RESP18: variants seen among roughly 807,000 people sequenced by gnomAD.
The protein encoded by RESP18 is regulated endocrine-specific protein 18.
In RESP18, 30 loss-of-function variants were observed where a neutral mutation model predicts 30.0. The observed-to-expected ratio is 1.00, with a 90% CI of 0.75 to 1.36. The LOEUF is 1.36. RESP18 is among the 40% of genes most tolerant of loss of function. RESP18 has a pLI of 0.00. For synonymous variants in RESP18, 117 were observed against 111.2 expected (o/e 1.05, Z -0.33); for missense variants, 320 against 284.2 (o/e 1.13, Z -0.91).
At chr2:219,331,719 T>A (rs1250562084) in intron 2 of RESP18, among the ~76,000 whole-genome samples, 3 of 152,112 alleles carry the variant, frequency 2.0e-5, no homozygotes, top group African/African-American at 7.2e-5. Context: ...CCGCTCGGGC[T>A]CGGCGTGGAC....
rs77343546 is a variant in RESP18, at chr2:219,329,851, A to G, written c.338-87T>C. 2.1e-4 allele frequency: 273 copies of G among 1,299,226 alleles called. No individual in the cohort carries two copies. The African/African-American group carries it at 3.6e-3, about 17-fold the overall frequency. 80.5% of individuals were successfully genotyped at this position (1,299,226 alleles called of 1,614,324 possible). On this transcript the variant is annotated intron_variant, in intron 3 of 6. Coordinates refer to ENST00000333527, the MANE Select transcript of RESP18 (RefSeq NM_001007089.4). Reference sequence around the variant, plus strand: ...TCAGAGTAACCTTTCTCTCAAGTATATATTAGATTACATTTTACAGAGAAT... The same window carrying G: ...TCAGAGTAACCTTTCTCTCAAGTATGTATTAGATTACATTTTACAGAGAAT...
chr2:219,332,388 C>T (rs1488616323), intron 2 of RESP18, 136 bp downstream of exon 1: 7 of 669,212 alleles, frequency 1.0e-5, no homozygotes, highest in Non-Finnish European at 1.8e-5. Flanking sequence ...TAGACGCTGT[C>T]TACCTTTTTC....
At chr2:219,330,681 C>A in intron 3 of RESP18, 90 bp downstream of exon 2, 1 of 776,596 alleles carries the variant, frequency 1.3e-6, no homozygotes. Flanking sequence ...ATTTGGGGAA[C>A]AGAAAGCCTA....
chr2:219,330,908 C>G, intron 2 of RESP18, 33 bp from the exon 2 acceptor site: 2 of 1,286,200 alleles, frequency 1.6e-6, no homozygotes, highest in South Asian at 1.3e-5. Flanking sequence ...AGCAAGGAAC[C>G]TGGCCAGAGC....
chr2:219,332,871 T>G, intron 1 of RESP18, 127 bp from the exon 1 acceptor site: 1 of 779,762 alleles, frequency 1.3e-6, no homozygotes, highest in Non-Finnish European at 2.0e-6. Context: ...TTTCGGGCAT[T>G]AGCTGGGTCC....
rs1030033015 is a variant in RESP18 at position 219,327,428 on chromosome 2, A to G, written c.*89T>C. ...AGTGTTTGCATGAGAGTCTACTTTA[A>G]TGATTCAAATCTGGGTCATCCAAGA... On this transcript the variant is annotated 3_prime_UTR_variant, in exon 7 of 7. Coordinates refer to ENST00000333527, the MANE Select transcript of RESP18 (RefSeq NM_001007089.4). 7.6e-6 allele frequency: 9 copies of G among 1,191,690 alleles called. No individual in the cohort carries two copies. Among genetic ancestry groups the G allele is most frequent in the African/African-American group, 1.5e-5 (1 of 65,962 alleles). The allele number at this position is 1,191,690 out of a possible 1,614,324, so 73.8% of individuals were successfully genotyped here. A position where few individuals can be genotyped will look rare whatever the true frequency, so the allele number is the denominator to read the frequency against.
rs1177022345 is a variant in RESP18 at position 219,330,796 on chromosome 2, A to G, written c.312T>C (p.Val104=). ...CTTGGGGTATAATCTGCTGGAGCAC[A>G]ACCTGTAAATGCTGGAAGACTGGGG... The change falls in exon 3 of 7, where the codon GTT becomes GTC. Residue 104 remains valine, a synonymous_variant. Transcript: ENST00000333527. 1 of 1,551,070 alleles carries G rather than the reference A, an allele frequency of 6.4e-7. No homozygotes were observed. The highest frequency in any genetic ancestry group is 2.4e-5 in the East Asian group (1 of 40,926).
chr2:219,330,626 T>G, intron 3 of RESP18, 145 bp downstream of exon 2: 1 of 569,998 alleles, frequency 1.8e-6, no homozygotes, highest in Non-Finnish European at 3.1e-6. Context: ...CCTACTCCTG[T>G]CTCATCCCCA....
intron 2 of RESP18, among the ~76,000 whole-genome samples, chr2:219,331,346 C>T (rs769678861): frequency 6.6e-6 from 1 of 151,500 alleles, no homozygotes; most frequent in Non-Finnish European, 1.5e-5. Flanking sequence ...GTTTGCCCAA[C>T]TGTGCATGAG....
rs1181357276 is a variant in RESP18, at chr2:219,329,707, G to C, written c.395C>G (p.Ala132Gly). The C allele has an allele frequency of 2.6e-6, 4 of 1,551,536 alleles. No individual in the cohort carries two copies. The highest frequency in any genetic ancestry group is 2.6e-6 in the Non-Finnish European group (3 of 1,146,922). Residue 132 changes from alanine to glycine, a missense_variant, in exon 4 of 7, where the codon GCC becomes GGC. Coordinates refer to ENST00000333527, the MANE Select transcript of RESP18 (RefSeq NM_001007089.4). Reference sequence around the variant, plus strand: ...TGGTTCTTGGGGATGCAGTCTGCTGGCATGCTCCATCTTTTGGATCATTGC... The same window carrying C: ...TGGTTCTTGGGGATGCAGTCTGCTGCCATGCTCCATCTTTTGGATCATTGC...
At chr2:219,328,453 C>A (rs951782271) in intron 6 of RESP18, among the ~76,000 whole-genome samples, 1 of 151,736 alleles carries the variant, frequency 6.6e-6, no homozygotes, top group Non-Finnish European at 1.5e-5. Context: ...AAAAAAAAAA[C>A]CTCTTTTTTC....
At chr2:219,333,132 A>G (rs1014373236) in intron 1 of RESP18, 53 of 1,425,216 alleles carry the variant, frequency 3.7e-5, no homozygotes, top group Non-Finnish European at 4.9e-5. Flanking sequence ...TATATTATAT[A>G]TTATATATGG....
In RESP18 at chr2:219,329,180, C is replaced by T; in HGVS notation, c.538G>A (p.Val180Met). The change falls in exon 5 of 7, where the codon GTG (valine) becomes ATG (methionine). Residue 180 changes from valine to methionine, a missense_variant. By Grantham distance (21) the Val-to-Met change is conservative. Coordinates refer to ENST00000333527, the MANE Select transcript of RESP18 (RefSeq NM_001007089.4). ...CCCCTCACCTTGACAGGGTTGGCCA[C>T]CTCTTGTTTCAGGGCCTTAGAAACC... The T allele has an allele frequency of 6.4e-7, 1 of 1,551,668 alleles. No individual in the cohort carries two copies. The highest frequency in any genetic ancestry group is 8.7e-7 in the Non-Finnish European group (1 of 1,146,954).
chr2:219,331,274 A>G (rs564882231), intron 2 of RESP18: 9 of 163,464 alleles, frequency 5.5e-5, no homozygotes, highest in Admixed American at 1.9e-4. Context: ...GCCTGGAATC[A>G]TTAGAAAAGG....
At chr2:219,327,597 G>C in intron 6 of RESP18, 34 bp from the exon 6 acceptor site, 8 of 1,539,848 alleles carry the variant, frequency 5.2e-6, no homozygotes, top group Non-Finnish European at 7.0e-6. Context: ...GCTAGAGTCA[G>C]GATGTGAGAC....
Position 219,330,883 on chromosome 2 carries a change from C to A in RESP18, c.233-8G>T, listed in dbSNP as rs779023462. The A allele has an allele frequency of 1.4e-5, 22 of 1,528,518 alleles. No individual in the cohort carries two copies. In the South Asian group the frequency reaches 2.5e-4, roughly 17 times the overall value. 94.7% of individuals were successfully genotyped at this position (1,528,518 alleles called of 1,614,324 possible). A position where few individuals can be genotyped will look rare whatever the true frequency, so the allele number is the denominator to read the frequency against. ...CTACTTGGTCCTGACCATCTAAGGG[C>A]AAAATAGTGGTGTCAGCAAGGAACC... On this transcript the variant is annotated splice_polypyrimidine_tract_variant and splice_region_variant and intron_variant, in intron 2 of 6. Transcript: ENST00000333527.
chr2:219,327,426 T>C lies in RESP18; in HGVS notation c.*91A>G, dbSNP rs1009293794. The C allele has an allele frequency of 1.7e-6, 2 of 1,187,154 alleles. No homozygotes were observed. The highest frequency in any genetic ancestry group is 2.4e-6 in the Non-Finnish European group (2 of 816,340). The allele number at this position is 1,187,154 out of a possible 1,614,324, so 73.5% of individuals were successfully genotyped here. A position where few individuals can be genotyped will look rare whatever the true frequency, so the allele number is the denominator to read the frequency against. On this transcript the variant is annotated 3_prime_UTR_variant, in exon 7 of 7. Coordinates refer to ENST00000333527, the MANE Select transcript of RESP18 (RefSeq NM_001007089.4). Reference sequence around the variant, plus strand: ...TCAGTGTTTGCATGAGAGTCTACTTTAATGATTCAAATCTGGGTCATCCAA... The same window carrying C: ...TCAGTGTTTGCATGAGAGTCTACTTCAATGATTCAAATCTGGGTCATCCAA...
In RESP18 at chr2:219,332,531, A is replaced by T. The variant is rs1353548425; in HGVS notation, c.225T>A (p.Ser75Arg). The T allele has an allele frequency of 6.4e-7, 1 of 1,550,506 alleles. No homozygotes were observed. The highest frequency in any genetic ancestry group is 8.7e-7 in the Non-Finnish European group (1 of 1,146,718). ...CCCAGGGTTCCTCCTGACCGTGGGC[A>T]CTAGTGTCGCTGCAGCCCCCCGGGC... The change falls in exon 2 of 7, where the codon AGT becomes AGA. Residue 75 changes from serine (S) to arginine (R), a missense_variant. Transcript: ENST00000333527.
At chr2:219,331,206 G>A (rs977767206) in intron 2 of RESP18, 23 of 203,486 alleles carry the variant, frequency 1.1e-4, no homozygotes, top group Non-Finnish European at 1.7e-4. Context: ...GGGGCATGGG[G>A]AAACAGGTGA....
Sources: gnomAD v4.1 joint callset for allele counts (sites outside exome capture counted in the v4.1 genomes callset) on GRCh38, gnomAD v4.1.1 for gene constraint, MANE v1.5 for transcripts, NCBI Gene and HGNC (gene_info 2026-07-23, HGNC 2026-07-21) for gene names.